SPOCK3: variants seen among roughly 807,000 people sequenced by gnomAD.
SPOCK3 encodes SPARC (osteonectin), cwcv and kazal like domains proteoglycan 3, also known as testican-3.
Under a neutral mutation model 56.6 loss-of-function variants are expected in SPOCK3, and 30 were observed. That is an observed-to-expected ratio of 0.53 (90% CI 0.40 to 0.72). The LOEUF (loss-of-function observed/expected upper bound fraction) is 0.72. Ranked by LOEUF, SPOCK3 falls within the 30% of genes least tolerant of loss-of-function variation. The pLI, the probability that SPOCK3 is intolerant of heterozygous loss-of-function variation, is 0.00. For missense variants in SPOCK3, 527 were observed against 530.0 expected, an observed-to-expected ratio of 0.99 and a Z score of 0.06; for synonymous variants, 196 against 183.3, an observed-to-expected ratio of 1.07 and a Z score of -0.56.
At chr4:167,218,411 C>G (rs374831093) in intron 2 of SPOCK3, among the ~76,000 whole-genome samples, 7 of 152,172 alleles carry the variant, frequency 4.6e-5, no homozygotes, top group African/African-American at 1.2e-4. Flanking sequence ...CACATTAGAG[C>G]AAACAGCATA....
intron 2 of SPOCK3, among the ~76,000 whole-genome samples, chr4:167,112,839 G>A (rs1761014399): frequency 4.3e-5 from 1 of 23,072 alleles, no homozygotes; most frequent in African/African-American, 2.8e-4. Flanking sequence ...GTTCAAAAGT[G>A]CTCTTTTTTA....
At chr4:166,868,986 C>T (rs1330991776) in intron 6 of SPOCK3, among the ~76,000 whole-genome samples, 1 of 152,080 alleles carries the variant, frequency 6.6e-6, no homozygotes, top group African/African-American at 2.4e-5. Flanking sequence ...TTTTAAAGAA[C>T]TGTATGCTAA....
intron 2 of SPOCK3, among the ~76,000 whole-genome samples, chr4:167,125,831 T>C (rs1207860061): frequency 6.6e-6 from 1 of 152,226 alleles, no homozygotes; most frequent in African/African-American, 2.4e-5. Flanking sequence ...TGATGCTGTT[T>C]CTGATTGCTC....
chr4:166,897,652 G>T (rs1384382097), intron 5 of SPOCK3, among the ~76,000 whole-genome samples: 1 of 152,146 alleles, frequency 6.6e-6, no homozygotes, highest in Non-Finnish European at 1.5e-5. Context: ...CTGGCCCAGG[G>T]TATCATGTCT....
chr4:166,746,810 C>T (rs1479272423), intron 8 of SPOCK3, among the ~76,000 whole-genome samples: 3 of 151,986 alleles, frequency 2.0e-5, no homozygotes, highest in East Asian at 1.9e-4. Context: ...ATATCACCAC[C>T]GATCCCACAG....
intron 2 of SPOCK3, among the ~76,000 whole-genome samples, chr4:167,121,473 CAAA>C: frequency 8.4e-6 from 1 of 119,372 alleles, no homozygotes; most frequent in African/African-American, 3.1e-5. Flanking sequence ...TGGTTTCAAA[CAAA>C]AAAAAAAAAA....
chr4:167,145,760 G>A (rs150572500), intron 2 of SPOCK3, among the ~76,000 whole-genome samples: 99 of 152,244 alleles, frequency 6.5e-4, no homozygotes, highest in African/African-American at 2.3e-3. Flanking sequence ...AGCAAATGCT[G>A]AGAGATTTTT....
At chr4:167,139,842 C>A (rs1190693668) in intron 2 of SPOCK3, among the ~76,000 whole-genome samples, 1 of 152,018 alleles carries the variant, frequency 6.6e-6, no homozygotes, top group Non-Finnish European at 1.5e-5. Flanking sequence ...AATTACCTTA[C>A]TCTAGCCAAT....
intron 2 of SPOCK3, among the ~76,000 whole-genome samples, chr4:167,199,225 TTGTGTGTGTGTGTG>T (rs58765976): frequency 1.6e-4 from 23 of 142,062 alleles, no homozygotes; most frequent in African/African-American, 3.6e-4. Context: ...AAATATTTGT[TTGTGTGTGTGTGTG>T]TGTGTGTGTG....
chr4:166,814,384 CAG>C (rs965070781), intron 6 of SPOCK3, among the ~76,000 whole-genome samples: 8 of 151,962 alleles, frequency 5.3e-5, no homozygotes, highest in African/African-American at 1.9e-4. Context: ...AGGGTGTTGC[CAG>C]AGGAGTTTGA....
chr4:166,815,292 CA>C (rs1744271534), intron 6 of SPOCK3, among the ~76,000 whole-genome samples: 1 of 150,194 alleles, frequency 6.7e-6, no homozygotes, highest in African/African-American at 2.5e-5. Flanking sequence ...CCTATGACCA[CA>C]AAACTGTATA....
At position 166,735,738 on chromosome 4, in the gene SPOCK3, G is replaced by A. The variant is rs75615288; in HGVS notation, c.1133-648C>T. On this transcript the variant is annotated intron_variant, in intron 10 of 10. Transcript: ENST00000357545. ...GAGCTACCTCTAAGAGGTGAAAAGG[G>A]CAAGGAAACAGATTTTCCTCTAAAG... is the stretch of plus-strand genomic sequence containing the variant. Among the ~76,000 whole-genome samples, 764 of 152,058 alleles carry A rather than the reference G, an allele frequency of 5.0e-3. 6 individuals carry two copies. The highest frequency in any genetic ancestry group is 0.017 in the African/African-American group (714 of 41,516).
intron 6 of SPOCK3, among the ~76,000 whole-genome samples, chr4:166,853,904 G>T (rs773852386): frequency 2.4e-4 from 36 of 151,528 alleles, no homozygotes; most frequent in Non-Finnish European, 4.7e-4. Flanking sequence ...AAAAAAAGAT[G>T]GTCTCCAAAG....
chr4:166,942,079 T>C (rs777070437), intron 4 of SPOCK3, among the ~76,000 whole-genome samples: 4 of 152,222 alleles, frequency 2.6e-5, no homozygotes, highest in Non-Finnish European at 4.4e-5. Flanking sequence ...ATACATAACT[T>C]TATAAACACT....
chr4:166,933,335 T>A (rs1740000918), intron 4 of SPOCK3, among the ~76,000 whole-genome samples: 1 of 152,212 alleles, frequency 6.6e-6, no homozygotes, highest in African/African-American at 2.4e-5. Context: ...GCCTTCACCT[T>A]ACTTGGGAGC....
chr4:166,965,568 C>T (rs1443845040), intron 4 of SPOCK3, among the ~76,000 whole-genome samples: 1 of 151,902 alleles, frequency 6.6e-6, no homozygotes, highest in Non-Finnish European at 1.5e-5. Flanking sequence ...TCATTGTTCT[C>T]CTTTGTGGAA....
intron 3 of SPOCK3, among the ~76,000 whole-genome samples, chr4:167,019,772 C>G (rs1190753636): frequency 6.6e-6 from 1 of 152,018 alleles, no homozygotes; most frequent in Non-Finnish European, 1.5e-5. Context: ...ATTTTCCGAC[C>G]TTCTTTTCTA....
chr4:167,060,828 T>A (rs1246403306), intron 3 of SPOCK3, among the ~76,000 whole-genome samples: 2 of 152,076 alleles, frequency 1.3e-5, no homozygotes, highest in Admixed American at 6.6e-5. Context: ...ACTGTGGGAA[T>A]ATAACCTGAG....
At chr4:166,760,956 C>A (rs1737195361) in intron 7 of SPOCK3, among the ~76,000 whole-genome samples, 1 of 29,380 alleles carries the variant, frequency 3.4e-5, no homozygotes, top group East Asian at 4.8e-4. Flanking sequence ...AGTGAACAGG[C>A]AACCTACATC....
Sources: gnomAD v4.1 joint callset for allele counts (sites outside exome capture counted in the v4.1 genomes callset) on GRCh38, gnomAD v4.1.1 for gene constraint, MANE v1.5 for transcripts, NCBI Gene and HGNC (gene_info 2026-07-23, HGNC 2026-07-21) for gene names.